The following PDE1C variants were observed in gnomAD, a reference collection of about 807,000 sequenced individuals.
The protein encoded by PDE1C is phosphodiesterase 1C.
PDE1C carries 62 observed loss-of-function variants against 93.1 expected under a neutral mutation model. The observed-to-expected ratio is 0.67, with a 90% confidence interval of 0.54 to 0.82. The LOEUF (loss-of-function observed/expected upper bound fraction) is 0.82, where lower values mean the gene tolerates loss of function less well. Among genes scored for constraint, PDE1C ranks in the 40% least tolerant of loss-of-function variants. The pLI is 0.00. For missense variants in PDE1C, 742 were observed against 884.6 expected (o/e 0.84, Z 2.04); for synonymous variants, 325 against 310.1 (o/e 1.05, Z -0.50).
chr7:32,156,205 T>TA (rs1801567787), intron 3 of PDE1C, among the ~76,000 whole-genome samples: 1 of 152,314 alleles, frequency 6.6e-6, no homozygotes, highest in East Asian at 1.9e-4. Context: ...TGTGCCATGG[T>TA]GGTTTGCTGC....
chr7:31,934,405 C>T (rs564101496), intron 2 of PDE1C, among the ~76,000 whole-genome samples: 9 of 152,094 alleles, frequency 5.9e-5, no homozygotes, highest in Non-Finnish European at 1.3e-4. Flanking sequence ...GACAATAACA[C>T]GATATTAATG....
upstream of PDE1C, among the ~76,000 whole-genome samples, chr7:32,072,344 A>G (rs1365807974): frequency 6.6e-6 from 1 of 152,216 alleles, no homozygotes; most frequent in African/African-American, 2.4e-5. Flanking sequence ...GGAGGCGCAT[A>G]TATTTTCACT....
chr7:31,843,781 A>C (rs577967456), intron 9 of PDE1C, among the ~76,000 whole-genome samples: 6 of 151,392 alleles, frequency 4.0e-5, no homozygotes, highest in African/African-American at 1.5e-4. Context: ...TCTGCTTGAG[A>C]TATTTTTTGT....
intron 2 of PDE1C, among the ~76,000 whole-genome samples, chr7:32,208,553 G>A (rs557916065): frequency 1.4e-4 from 22 of 152,158 alleles, no homozygotes; most frequent in East Asian, 3.9e-4. Flanking sequence ...TTCCAGGTGC[G>A]AAGACAGAGG....
chr7:31,929,851 A>G (rs1383991352), intron 2 of PDE1C, among the ~76,000 whole-genome samples: 2 of 151,804 alleles, frequency 1.3e-5, no homozygotes, highest in Non-Finnish European at 3.0e-5. Flanking sequence ...TTAATATCAC[A>G]ATTAAAAGAA....
chr7:31,759,292 T>C (rs1230202736), intron 17 of PDE1C, among the ~76,000 whole-genome samples: 1 of 152,184 alleles, frequency 6.6e-6, no homozygotes, highest in Non-Finnish European at 1.5e-5. Flanking sequence ...TGGTATGGCC[T>C]TCTGAGGGTA....
At position 31,751,375 on chromosome 7, in the gene PDE1C, A is replaced by G. The variant is rs1226903789; in HGVS notation, c.*2009T>C. The G allele has an allele frequency of 6.6e-6, 1 of 152,234 alleles. No individual in the cohort carries two copies. Among genetic ancestry groups the G allele is most frequent in the Non-Finnish European group, 1.5e-5 (1 of 68,038 alleles). 9.4% of individuals were successfully genotyped at this position (152,234 alleles called of 1,614,324 possible). A position where few individuals can be genotyped will look rare whatever the true frequency, so the allele number is the denominator to read the frequency against. On this transcript the variant is annotated 3_prime_UTR_variant, in exon 18 of 18. Coordinates refer to ENST00000396191, the MANE Select transcript of PDE1C (RefSeq NM_001191057.4). ...AAAGAATACAGATTTGTTCCCCAGG[A>G]ACATGGCTTCCAACATCAAGAAGCA...
intron 3 of PDE1C, among the ~76,000 whole-genome samples, chr7:32,146,130 T>C (rs1428293828): frequency 6.6e-6 from 1 of 152,148 alleles, no homozygotes; most frequent in East Asian, 1.9e-4. Flanking sequence ...CCCAGGACTC[T>C]AAGGTTATTC....
At chr7:31,871,821 A>T (rs1476585163) in intron 6 of PDE1C, among the ~76,000 whole-genome samples, 2 of 152,078 alleles carry the variant, frequency 1.3e-5, no homozygotes, top group East Asian at 3.9e-4. Flanking sequence ...AAAAAATTCT[A>T]AAAGTAGAAC....
intron 11 of PDE1C, among the ~76,000 whole-genome samples, chr7:31,834,991 G>T (rs1041240579): frequency 6.6e-6 from 1 of 152,068 alleles, no homozygotes; most frequent in African/African-American, 2.4e-5. Flanking sequence ...CCCCCATACT[G>T]TTCTCGTGGT....
At chr7:31,812,850 A>G (rs985586604) in intron 15 of PDE1C, among the ~76,000 whole-genome samples, 1 of 152,122 alleles carries the variant, frequency 6.6e-6, no homozygotes, top group Admixed American at 6.5e-5. Context: ...ACCAAACCAC[A>G]GGGACAAGCT....
Position 31,820,188 on chromosome 7 carries a change from G to A in PDE1C, c.1582+2885C>T, listed in dbSNP as rs146546660. Among the ~76,000 whole-genome samples, 114 of 151,802 alleles carry A rather than the reference G, an allele frequency of 7.5e-4. 1 individual carries two copies. Among genetic ancestry groups the A allele is most frequent in the African/African-American group, 2.2e-3 (92 of 41,438 alleles). On this transcript the variant is annotated intron_variant, in intron 14 of 17. Coordinates refer to ENST00000396191, the MANE Select transcript of PDE1C (RefSeq NM_001191057.4). ...TATTATATTATGATCCCAATTTGTC[G>A]GCAAAATTTTTACTTATACATATGT...
chr7:32,328,406 C>A (rs1476426483), intron 1 of PDE1C, among the ~76,000 whole-genome samples: 1 of 152,194 alleles, frequency 6.6e-6, no homozygotes, highest in African/African-American at 2.4e-5. Flanking sequence ...TGTGATGGCT[C>A]CCAGCTACAG....
chr7:32,011,964 T>C (rs1325783376), intron 2 of PDE1C, among the ~76,000 whole-genome samples: 6 of 152,304 alleles, frequency 3.9e-5, no homozygotes, highest in Middle Eastern at 3.4e-3. Flanking sequence ...TATTGTGATA[T>C]ATAAGCCATA....
chr7:32,298,304 A>T (rs1015603532), intron 1 of PDE1C, among the ~76,000 whole-genome samples: 1 of 151,668 alleles, frequency 6.6e-6, no homozygotes, highest in African/African-American at 2.4e-5. Flanking sequence ...CACTATCTTC[A>T]TCTCTCCATC....
chr7:32,243,957 G>C (rs137959603), intron 1 of PDE1C, among the ~76,000 whole-genome samples: 51 of 152,290 alleles, frequency 3.3e-4, no homozygotes, highest in African/African-American at 9.6e-4. Flanking sequence ...ATGTCAGTGA[G>C]TTTCCAAGGA....
chr7:31,803,399 T>C (rs13232442), intron 16 of PDE1C, among the ~76,000 whole-genome samples: 296 of 150,186 alleles, frequency 2.0e-3, no homozygotes, highest in Middle Eastern at 0.014. Context: ...GCTTTTTCTT[T>C]TTATTATTAT....
rs145159283 is a variant in PDE1C at position 31,759,680 on chromosome 7, T to C, written c.1961-6127A>G. Among the ~76,000 whole-genome samples, 12 of 152,330 alleles carry C rather than the reference T, an allele frequency of 7.9e-5. 1 individual carries two copies. The East Asian group carries it at 2.3e-3, about 29-fold the overall frequency. On this transcript the variant is annotated intron_variant, in intron 17 of 17. Transcript: ENST00000396191. ...GAAAAACAAAAGTTCAAGCCAAAAATTGATACATCACCGTCCTTTATTTTA... is the reference window on the plus strand; with the variant it reads ...GAAAAACAAAAGTTCAAGCCAAAAACTGATACATCACCGTCCTTTATTTTA...
intron 1 of PDE1C, among the ~76,000 whole-genome samples, chr7:32,261,256 C>G (rs183787154): frequency 6.6e-6 from 1 of 152,254 alleles, no homozygotes; most frequent in Non-Finnish European, 1.5e-5. Context: ...GACCCCCACA[C>G]TTGATGGATC....
Sources: gnomAD v4.1 joint callset for allele counts (sites outside exome capture counted in the v4.1 genomes callset) on GRCh38, gnomAD v4.1.1 for gene constraint, MANE v1.5 for transcripts, NCBI Gene and HGNC (gene_info 2026-07-23, HGNC 2026-07-21) for gene names.